The following PWWP3A variants were observed in gnomAD, a reference collection of about 807,000 sequenced individuals.
The protein encoded by PWWP3A is PWWP domain containing 3A, DNA repair factor.
PWWP3A carries 53 observed loss-of-function variants against 79.0 expected under a neutral mutation model. That is an observed-to-expected ratio of 0.67 (90% CI 0.54 to 0.84). The LOEUF is 0.84. Ranked by LOEUF, PWWP3A falls within the 40% of genes least tolerant of loss-of-function variation. The pLI is 0.00. For synonymous variants in PWWP3A, 443 were observed against 394.4 expected (o/e 1.12, Z -1.46); for missense variants, 973 against 948.0 (o/e 1.03, Z -0.35).
intron 6 of PWWP3A, among the ~76,000 whole-genome samples, chr19:1,363,089 G>A (rs573067330): frequency 3.9e-5 from 6 of 152,340 alleles, no homozygotes; most frequent in African/African-American, 9.6e-5. Context: ...CTTCTCACCC[G>A]GGCTTCCCCA....
In PWWP3A at chr19:1,368,954, G is replaced by A. The variant is rs2082190069; in HGVS notation, c.1423-311G>A. 6.8e-6 allele frequency: 2 copies of A among 295,534 alleles called. No individual in the cohort carries two copies. Among genetic ancestry groups the A allele is most frequent in the Admixed American group, 4.9e-5 (1 of 20,282 alleles). The allele number at this position is 295,534 out of a possible 1,614,324, so 18.3% of individuals were successfully genotyped here. On this transcript the variant is annotated intron_variant, in intron 9 of 13. Coordinates refer to ENST00000591337, the MANE Select transcript of PWWP3A (RefSeq NM_001369789.1). The surrounding 1 kb of genome is among the most constrained non-coding windows in gnomAD (Gnocchi z 4.7). ...CATCGGGTCCCCGGTGCCCACCTGC[G>A]TTCAGATCAGCCCAAGCCATCGGGT... is the stretch of plus-strand genomic sequence containing the variant.
intron 11 of PWWP3A, 41 bp from the exon 12 acceptor site, chr19:1,370,601 C>T: frequency 7.0e-7 from 1 of 1,431,822 alleles, no homozygotes; most frequent in African/African-American, 1.4e-5. Context: ...CCGAGGAAGG[C>T]AGCCCACGCG....
Position 1,369,559 on chromosome 19 carries a change from G to A in PWWP3A, c.1499-37G>A. On this transcript the variant is annotated intron_variant, in intron 10 of 13. Transcript: ENST00000591337. The surrounding 1 kb of genome is among the most constrained non-coding windows in gnomAD (Gnocchi z 4.0). ...AACACACTTCCTGGGACTCCTCTTA[G>A]GTCTACACAGTGCTCTCTCCCCTCC... 1 of 1,612,868 alleles carries A rather than the reference G, an allele frequency of 6.2e-7. No homozygotes were observed. Among genetic ancestry groups the A allele is most frequent in the Non-Finnish European group, 8.5e-7 (1 of 1,178,882 alleles).
chr19:1,365,455 G>A (rs1301136232), intron 7 of PWWP3A, among the ~76,000 whole-genome samples: 2 of 152,248 alleles, frequency 1.3e-5, no homozygotes, highest in Non-Finnish European at 1.5e-5. Context: ...ATCCAGAGAC[G>A]CCTTTGTTGC....
In PWWP3A at chr19:1,369,398, C is replaced by A. The variant is rs1397404670; in HGVS notation, c.1498+58C>A. 11 of 1,584,682 alleles carry A rather than the reference C, an allele frequency of 6.9e-6. No homozygotes were observed. Among genetic ancestry groups the A allele is most frequent in the Non-Finnish European group, 7.8e-6 (9 of 1,155,402 alleles). On this transcript the variant is annotated intron_variant, in intron 10 of 13. Coordinates refer to ENST00000591337, the MANE Select transcript of PWWP3A (RefSeq NM_001369789.1). The surrounding 1 kb of genome is among the most constrained non-coding windows in gnomAD (Gnocchi z 4.0). ...GCAGCAGGCGTCCAGCCTCTGAAGA[C>A]CCCTTGGACGGGCTGGGCCGGAGCT...
In PWWP3A at chr19:1,369,686, T is replaced by C. The variant is rs1418443700; in HGVS notation, c.1549+40T>C. On this transcript the variant is annotated intron_variant, in intron 11 of 13. Coordinates refer to ENST00000591337, the MANE Select transcript of PWWP3A (RefSeq NM_001369789.1). This position sits in a 1 kb window ranked among gnomAD's most constrained non-coding sequence, Gnocchi z 4.0. ...ACATCTTGGAAAATGTGGTTTGCCT[T>C]TTAGCCCTTTAGAAAAACAATCTTC... 1.9e-6 allele frequency: 3 copies of C among 1,604,980 alleles called. No homozygotes were observed. The highest frequency in any genetic ancestry group is 3.3e-4 in the Middle Eastern group (2 of 6,066).
rs2082214328 is a variant in PWWP3A, at chr19:1,369,900, C to G, written c.1549+254C>G. On this transcript the variant is annotated intron_variant, in intron 11 of 13. Coordinates refer to ENST00000591337, the MANE Select transcript of PWWP3A (RefSeq NM_001369789.1). The surrounding 1 kb of genome is among the most constrained non-coding windows in gnomAD (Gnocchi z 4.0). ...ATCCCATGGGCCACATCCAGCGTGT[C>G]CCTGCTGTGGCTGGTGGCTGCACAC... is the stretch of plus-strand genomic sequence containing the variant. 2.0e-5 allele frequency among the ~76,000 whole-genome samples: 3 copies of G among 152,178 alleles called. No homozygotes were observed. The highest frequency in any genetic ancestry group is 2.9e-5 in the Non-Finnish European group (2 of 68,034).
chr19:1,355,547 G>A (rs2144680220), intron 1 of PWWP3A, among the ~76,000 whole-genome samples: 1 of 126,428 alleles, frequency 7.9e-6, no homozygotes, highest in East Asian at 2.3e-4. Context: ...TCCTCCGTGA[G>A]CCCTCGTTCT....
Position 1,360,569 on chromosome 19 carries a change from G to A in PWWP3A, c.648G>A (p.Lys216=). Residue 216 remains lysine (K), a synonymous_variant, in exon 5 of 14, where the codon AAG becomes AAA. Transcript: ENST00000591337. The surrounding 1 kb of genome is among the most constrained non-coding windows in gnomAD (Gnocchi z 4.4). ...ACAAAAATTGGACTCTTGCAAGTAA[G>A]AGGGGAGGAAACTCAGCGCAGAAGG... ...IHHKNWTLAS[K]RGGNSAQKAS... is the part of the protein sequence containing the mutation. 6.2e-7 allele frequency: 1 copy of A among 1,614,244 alleles called. No individual in the cohort carries two copies. The highest frequency in any genetic ancestry group is 8.5e-7 in the Non-Finnish European group (1 of 1,180,042).
In PWWP3A at chr19:1,369,864, C is replaced by T. The variant is rs1285346213; in HGVS notation, c.1549+218C>T. Among the ~76,000 whole-genome samples the T allele has an allele frequency of 2.0e-5, 3 of 152,164 alleles. No homozygotes were observed. The highest frequency in any genetic ancestry group is 4.1e-4 in the South Asian group (2 of 4,830). ...ACTGGCACAGCATCCCGAGCCTGCC[C>T]TGGGGCCCTCATCCCATGGGCCACA... is the stretch of plus-strand genomic sequence containing the variant. On this transcript the variant is annotated intron_variant, in intron 11 of 13. Coordinates refer to ENST00000591337, the MANE Select transcript of PWWP3A (RefSeq NM_001369789.1). This position sits in a 1 kb window ranked among gnomAD's most constrained non-coding sequence, Gnocchi z 4.0.
chr19:1,362,686 G>A (rs959381742), intron 6 of PWWP3A, among the ~76,000 whole-genome samples: 13 of 152,218 alleles, frequency 8.5e-5, no homozygotes, highest in Non-Finnish European at 1.9e-4. Context: ...GGGCTGCGTC[G>A]CCATTGCTCG....
rs533208217 is a variant in PWWP3A, at chr19:1,371,198, G to A, written c.1986+120G>A. ...GCTCCCTGGCCGTTCGGCGGCCAAC[G>A]GAGCGTGGAGGCCTCCTGTGTTTAC... is the stretch of plus-strand genomic sequence containing the variant. On this transcript the variant is annotated intron_variant, in intron 12 of 13. Coordinates refer to ENST00000591337, the MANE Select transcript of PWWP3A (RefSeq NM_001369789.1). The A allele has an allele frequency of 6.3e-5, 68 of 1,085,074 alleles. 1 individual carries two copies. In the South Asian group the frequency reaches 7.2e-4, roughly 11 times the overall value. The allele number at this position is 1,085,074 out of a possible 1,614,324, so 67.2% of individuals were successfully genotyped here.
chr19:1,370,790 C>A lies in PWWP3A; in HGVS notation c.1698C>A (p.Ala566=). The A allele has an allele frequency of 1.3e-6, 2 of 1,548,690 alleles. No individual in the cohort carries two copies. The highest frequency in any genetic ancestry group is 2.4e-5 in the East Asian group (1 of 41,944). ...AAATGCTCCCCGACCGCTCGCGGGCCGCCCGGGACCGGGCCAACCAGAAGC... is the reference window on the plus strand; with the variant it reads ...AAATGCTCCCCGACCGCTCGCGGGCAGCCCGGGACCGGGCCAACCAGAAGC... ...CRKMLPDRSR[A]ARDRANQKLV... is the part of the protein sequence containing the mutation. Residue 566 remains alanine (A), a synonymous_variant, in exon 12 of 14, where the codon GCC becomes GCA. Transcript: ENST00000591337.
At position 1,369,507 on chromosome 19, in the gene PWWP3A, A is replaced by G; in HGVS notation, c.1499-89A>G. 6.4e-7 allele frequency: 1 copy of G among 1,551,480 alleles called. No homozygotes were observed. The highest frequency in any genetic ancestry group is 8.9e-7 in the Non-Finnish European group (1 of 1,124,562). ...TTCTGGCCTGGCCTGATTATTTCCTAAACAGAGACGCCGGGCCAGCCCCTG... is the reference window on the plus strand; with the variant it reads ...TTCTGGCCTGGCCTGATTATTTCCTGAACAGAGACGCCGGGCCAGCCCCTG... On this transcript the variant is annotated intron_variant, in intron 10 of 13. Transcript: ENST00000591337. The surrounding 1 kb of genome is among the most constrained non-coding windows in gnomAD (Gnocchi z 4.0).
intron 7 of PWWP3A, among the ~76,000 whole-genome samples, chr19:1,365,808 A>T (rs1305245797): frequency 6.6e-6 from 1 of 152,268 alleles, no homozygotes; most frequent in African/African-American, 2.4e-5. Flanking sequence ...CGGAAGGGCC[A>T]TCGGAGGCGC....
At chr19:1,361,082 C>G in intron 5 of PWWP3A, 50 bp downstream of exon 5, 1 of 1,365,766 alleles carries the variant, frequency 7.3e-7, no homozygotes, top group Non-Finnish European at 9.5e-7. Context: ...AGTCCTGCTC[C>G]TCCGCAGCCA....
At position 1,370,724 on chromosome 19, in the gene PWWP3A, C is replaced by T. The variant is rs996490136; in HGVS notation, c.1632C>T (p.Pro544=). The T allele has an allele frequency of 4.2e-5, 62 of 1,469,050 alleles. No homozygotes were observed. The highest frequency in any genetic ancestry group is 9.9e-5 in the East Asian group (4 of 40,246). The allele number at this position is 1,469,050 out of a possible 1,614,324, so 91.0% of individuals were successfully genotyped here. A position where few individuals can be genotyped will look rare whatever the true frequency, so the allele number is the denominator to read the frequency against. ...PQLSKGSPEE[P]VVGCPLGQRQ... ...TGAGCAAGGGGAGCCCCGAGGAGCC[C>T]GTGGTGGGGTGCCCCCTGGGGCAGA... The change falls in exon 12 of 14, where the codon CCC becomes CCT. Residue 544 remains proline, a synonymous_variant. Transcript: ENST00000591337.
Position 1,360,362 on chromosome 19 carries a change from C to T in PWWP3A, c.441C>T (p.Ser147=), listed in dbSNP as rs1410983606. 1.2e-5 allele frequency: 20 copies of T among 1,614,002 alleles called. No individual in the cohort carries two copies. The Admixed American group carries it at 2.5e-4, about 20-fold the overall frequency. Residue 147 remains serine, a synonymous_variant, in exon 5 of 14, where the codon TCC becomes TCT. Coordinates refer to ENST00000591337, the MANE Select transcript of PWWP3A (RefSeq NM_001369789.1). This position sits in a 1 kb window ranked among gnomAD's most constrained non-coding sequence, Gnocchi z 4.4. Reference sequence around the variant, plus strand: ...CCCGCGGAGACGTGTTGGGCAGTTCCAGACCTCACAGGAGGAGGCCATGTG... The same window carrying T: ...CCCGCGGAGACGTGTTGGGCAGTTCTAGACCTCACAGGAGGAGGCCATGTG... ...SLPRGDVLGS[S]RPHRRRPCVQ...
In PWWP3A at chr19:1,360,078, T is replaced by A. The variant is rs2081974850; in HGVS notation, c.215-58T>A. Reference sequence around the variant, plus strand: ...CAAGCGAGCTTCTAAAGCGATGCCGTGACCGCAGTGCCTGTGCAGTGAACG... The same window carrying A: ...CAAGCGAGCTTCTAAAGCGATGCCGAGACCGCAGTGCCTGTGCAGTGAACG... On this transcript the variant is annotated intron_variant, in intron 4 of 13. Transcript: ENST00000591337. The surrounding 1 kb of genome is among the most constrained non-coding windows in gnomAD (Gnocchi z 4.4). 1 of 1,480,902 alleles carries A rather than the reference T, an allele frequency of 6.8e-7. No homozygotes were observed. Among genetic ancestry groups the A allele is most frequent in the East Asian group, 2.3e-5 (1 of 42,914 alleles). The allele number at this position is 1,480,902 out of a possible 1,614,324, so 91.7% of individuals were successfully genotyped here.
Sources: allele counts gnomAD v4.1 joint callset (sites outside exome capture counted in the v4.1 genomes callset), GRCh38; gene constraint gnomAD v4.1.1; non-coding constraint Gnocchi (gnomAD v3.1); transcripts MANE v1.5; gene names NCBI Gene and HGNC (gene_info 2026-07-23, HGNC 2026-07-21).